PTH2R: variants seen among roughly 807,000 people sequenced by gnomAD.
The protein encoded by PTH2R is PTH2 receptor.
PTH2R carries 59 observed loss-of-function variants against 60.3 expected under a neutral mutation model. That is an observed-to-expected ratio of 0.98 (90% CI 0.79 to 1.22). The LOEUF is 1.22. PTH2R is among the 50% of genes most tolerant of loss of function. The probability of loss-of-function intolerance (pLI) is 0.00; values close to 1 mark genes in which losing one functional copy is unlikely to be tolerated. For synonymous variants in PTH2R, 256 were observed against 243.8 expected (o/e 1.05, Z -0.47); for missense variants, 749 against 682.6 (o/e 1.10, Z -1.08).
Position 208,493,523 on chromosome 2 carries a change from C to A in PTH2R, c.1517C>A (p.Pro506Gln), listed in dbSNP as rs564267209. 6.2e-7 allele frequency: 1 copy of A among 1,613,902 alleles called. No homozygotes were observed. Residue 506 changes from proline (P) to glutamine (Q), a missense_variant, in exon 13 of 13, where the codon CCA becomes CAA. Physicochemically the swap from Pro to Gln is moderately conservative, Grantham distance 76. Coordinates refer to ENST00000272847, the MANE Select transcript of PTH2R (RefSeq NM_005048.4). ...VWSNSEQDCLPHSFHEETKED... is the reference protein window; with the variant it reads ...VWSNSEQDCLQHSFHEETKED... ...AGTAACTCAGAGCAGGACTGCCTGC[C>A]ACACTCTTTCCACGAGGAGACCAAG... is the stretch of plus-strand genomic sequence containing the variant.
rs1172824430 is a variant in PTH2R at position 208,390,923 on chromosome 2, A to G, written c.-259+30686A>G. Among the ~76,000 whole-genome samples the G allele has an allele frequency of 7.2e-5, 11 of 152,208 alleles. No individual in the cohort carries two copies. The East Asian group carries it at 1.2e-3, about 16-fold the overall frequency. ...TTTTGTGATTTTCAGCTTAAGATCT[A>G]TTTTTTCACAGATATTCAGGTCATT... On this transcript the variant is annotated intron_variant, in intron 1 of 12. Coordinates refer to the PTH2R transcript ENST00000617735.
chr2:208,422,727 G>C (rs942355859), intron 1 of PTH2R, among the ~76,000 whole-genome samples: 1 of 152,066 alleles, frequency 6.6e-6, no homozygotes, highest in Non-Finnish European at 1.5e-5. Flanking sequence ...ACTAACGAGA[G>C]TGAACATGTG....
At chr2:208,482,083 T>C (rs944282365) in intron 10 of PTH2R, among the ~76,000 whole-genome samples, 3 of 152,336 alleles carry the variant, frequency 2.0e-5, no homozygotes, top group African/African-American at 7.2e-5. Context: ...AGTTAACTAT[T>C]TATTTCTGTC....
chr2:208,475,027 G>C (rs1702968990), intron 9 of PTH2R, among the ~76,000 whole-genome samples: 1 of 152,158 alleles, frequency 6.6e-6, no homozygotes, highest in Non-Finnish European at 1.5e-5. Flanking sequence ...TGGTGAGCTT[G>C]GGCAGCAAGC....
At chr2:208,376,294 C>T (rs1052304870) in intron 1 of PTH2R, among the ~76,000 whole-genome samples, 29 of 151,986 alleles carry the variant, frequency 1.9e-4, no homozygotes, top group African/African-American at 6.3e-4. Context: ...ACAAAGGAAA[C>T]GAACCAGGGA....
intron 10 of PTH2R, among the ~76,000 whole-genome samples, chr2:208,487,211 A>G (rs184527134): frequency 6.6e-6 from 1 of 152,268 alleles, no homozygotes; most frequent in East Asian, 1.9e-4. Context: ...TCTAGGCCCT[A>G]TTTCCTCATT....
chr2:208,424,204 G>T (rs564284038), intron 1 of PTH2R, among the ~76,000 whole-genome samples: 2 of 152,188 alleles, frequency 1.3e-5, no homozygotes, highest in Non-Finnish European at 2.9e-5. Flanking sequence ...AAAGGTGGGG[G>T]TGTCCAGAAG....
At position 208,443,651 on chromosome 2, in the gene PTH2R, A is replaced by G. The variant is rs1053647987; in HGVS notation, c.699+114A>G. ...GCTTTTACTTATCTCTGAACTAACT[A>G]AAATGGATTATCAATTTGTATAGTG... On this transcript the variant is annotated intron_variant, in intron 6 of 12. Transcript: ENST00000272847. 8.9e-6 allele frequency: 7 copies of G among 789,832 alleles called. No individual in the cohort carries two copies. In the African/African-American group the frequency reaches 1.3e-4, roughly 14 times the overall value. The allele number at this position is 789,832 out of a possible 1,614,324, so 48.9% of individuals were successfully genotyped here.
intron 10 of PTH2R, among the ~76,000 whole-genome samples, chr2:208,481,537 G>T (rs1411588803): frequency 6.6e-6 from 1 of 152,054 alleles, no homozygotes; most frequent in Non-Finnish European, 1.5e-5. Flanking sequence ...GTAAAGAACA[G>T]ATATAAATTG....
chr2:208,385,413 A>G (rs1324632902), intron 1 of PTH2R, among the ~76,000 whole-genome samples: 1 of 151,986 alleles, frequency 6.6e-6, no homozygotes, highest in African/African-American at 2.4e-5. Flanking sequence ...TGTAAATTTT[A>G]TGGATAGGAT....
Position 208,490,648 on chromosome 2 carries a change from G to A in PTH2R, c.1225G>A (p.Val409Met), listed in dbSNP as rs1306907189. 2.5e-6 allele frequency: 4 copies of A among 1,610,562 alleles called. No individual in the cohort carries two copies. The highest frequency in any genetic ancestry group is 2.5e-6 in the Non-Finnish European group (3 of 1,179,182). ...LFFNSFQGFF[V>M]SIIYCYCNGE... ...TCTCTTTTGTCTGCAGGGTTTCTTT[G>A]TGTCTATCATCTACTGCTACTGCAA... The change falls in exon 12 of 13, where the codon GTG becomes ATG. Residue 409 changes from valine (V) to methionine (M), a missense_variant. By Grantham distance (21) the Val-to-Met change is conservative. Transcript: ENST00000272847.
At chr2:208,450,411 G>A (rs1415292146) in intron 7 of PTH2R, among the ~76,000 whole-genome samples, 3 of 152,160 alleles carry the variant, frequency 2.0e-5, no homozygotes, top group Non-Finnish European at 4.4e-5. Context: ...GATGGTCAGC[G>A]TGACAAGAGT....
At chr2:208,444,495 A>G (rs1352537820) in intron 6 of PTH2R, among the ~76,000 whole-genome samples, 1 of 152,248 alleles carries the variant, frequency 6.6e-6, no homozygotes, top group Admixed American at 6.5e-5. Context: ...AGAAAAGGTG[A>G]TTTTTTTGGT....
At chr2:208,393,298 TCA>T (rs1491213919) in intron 1 of PTH2R, among the ~76,000 whole-genome samples, 6 of 60,762 alleles carry the variant, frequency 9.9e-5, no homozygotes, top group Non-Finnish European at 3.7e-4. Flanking sequence ...CTCAACTGAA[TCA>T]GGGGATAAAG....
upstream of PTH2R, among the ~76,000 whole-genome samples, chr2:208,405,164 C>G (rs1050591573): frequency 2.6e-5 from 4 of 152,018 alleles, no homozygotes; most frequent in African/African-American, 9.7e-5. Context: ...TGGTTAGGTA[C>G]TTGGAGAAAT....
chr2:208,460,228 G>A (rs1374655838), intron 9 of PTH2R, among the ~76,000 whole-genome samples: 5 of 152,078 alleles, frequency 3.3e-5, no homozygotes, highest in Non-Finnish European at 7.4e-5. Flanking sequence ...TATGTTTAGG[G>A]AGTTGGAAGG....
At chr2:208,361,782 GGAT>G (rs1212584103) in intron 1 of PTH2R, among the ~76,000 whole-genome samples, 1 of 151,134 alleles carries the variant, frequency 6.6e-6, no homozygotes, top group Non-Finnish European at 1.5e-5. Context: ...TTAAAAAAAA[GGAT>G]GAAGACTATT....
intron 10 of PTH2R, among the ~76,000 whole-genome samples, chr2:208,484,741 G>C (rs887452547): frequency 6.6e-6 from 1 of 152,090 alleles, no homozygotes; most frequent in Middle Eastern, 3.4e-3. Context: ...TATTTATTAC[G>C]TAGCATGAGA....
intron 10 of PTH2R, among the ~76,000 whole-genome samples, chr2:208,482,033 C>T (rs1370186872): frequency 1.3e-5 from 2 of 152,164 alleles, no homozygotes; most frequent in Non-Finnish European, 2.9e-5. Flanking sequence ...ACACATACAT[C>T]TAGTAATCAG....
Sources: allele counts gnomAD v4.1 joint callset (sites outside exome capture counted in the v4.1 genomes callset), GRCh38; gene constraint gnomAD v4.1.1; transcripts MANE v1.5; gene names NCBI Gene and HGNC (gene_info 2026-07-23, HGNC 2026-07-21).